CCDC82: variants seen among roughly 807,000 people sequenced by gnomAD.
The protein encoded by CCDC82 is coiled-coil domain containing 82, also known as coiled-coil domain-containing protein 82.
CCDC82 carries 47 observed loss-of-function variants against 60.6 expected under a neutral mutation model. The observed-to-expected ratio is 0.77, with a 90% CI of 0.61 to 0.99. The LOEUF is 0.99. Among genes scored for constraint, CCDC82 ranks in the 50% least tolerant of loss-of-function variants. The probability of loss-of-function intolerance (pLI) is 0.00; values close to 1 mark genes in which losing one functional copy is unlikely to be tolerated. For missense variants in CCDC82, 588 were observed against 633.0 expected, an observed-to-expected ratio of 0.93 and a Z score of 0.76; for synonymous variants, 212 against 207.4, an observed-to-expected ratio of 1.02 and a Z score of -0.19.
intron 5 of CCDC82, among the ~76,000 whole-genome samples, chr11:96,376,360 C>G (rs528037866): frequency 6.6e-6 from 1 of 151,938 alleles, no homozygotes; most frequent in South Asian, 2.1e-4. Flanking sequence ...CTTGTCTCTC[C>G]GCTTATCCAT....
At chr11:96,356,810 ATGTCTTTGGG>A in intron 9 of CCDC82, 1 of 985,410 alleles carries the variant, frequency 1.0e-6, no homozygotes, top group Non-Finnish European at 1.2e-6. Flanking sequence ...TCTAGTTGGC[ATGTCTTTGGG>A]AAGACATGCT....
chr11:96,360,375 T>A (rs1045098623), intron 8 of CCDC82, among the ~76,000 whole-genome samples: 1 of 151,180 alleles, frequency 6.6e-6, no homozygotes, highest in African/African-American at 2.4e-5. Context: ...TTTTTTTGTA[T>A]TTTTAGTAGA....
chr11:96,375,236 TATC>T (rs1865504656), intron 5 of CCDC82, among the ~76,000 whole-genome samples: 4 of 152,192 alleles, frequency 2.6e-5, no homozygotes, highest in Admixed American at 2.6e-4. Flanking sequence ...CTACTGAAGG[TATC>T]ATTCTTGAAT....
chr11:96,370,393 T>C (rs867282688), intron 7 of CCDC82, among the ~76,000 whole-genome samples: 24 of 152,200 alleles, frequency 1.6e-4, no homozygotes, highest in African/African-American at 5.8e-4. Context: ...AAACAAAATG[T>C]GGCAAATCTT....
chr11:96,372,745 C>T (rs1022461730), intron 6 of CCDC82, among the ~76,000 whole-genome samples: 16 of 141,158 alleles, frequency 1.1e-4, no homozygotes, highest in Middle Eastern at 3.8e-3. Context: ...TATAAATATA[C>T]GTATATTTAT....
chr11:96,360,321 T>C (rs1199075056), intron 8 of CCDC82, among the ~76,000 whole-genome samples: 1 of 151,088 alleles, frequency 6.6e-6, no homozygotes, highest in Non-Finnish European at 1.5e-5. Context: ...GCCTCCCAAG[T>C]AGCTGGGATT....
chr11:96,358,261 C>G, intron 9 of CCDC82: 1 of 1,084,918 alleles, frequency 9.2e-7, no homozygotes, highest in Non-Finnish European at 1.1e-6. Flanking sequence ...TGTAACTAGA[C>G]TTGTTTTAGA....
At chr11:96,356,528 A>G (rs565583277) in intron 9 of CCDC82, 2 of 985,242 alleles carry the variant, frequency 2.0e-6, no homozygotes, top group East Asian at 1.1e-4. Flanking sequence ...TCAACTTCCC[A>G]GGAAGTCCCA....
chr11:96,386,480 G>C (rs1047718804), intron 2 of CCDC82, 187 bp from the exon 3 acceptor site: 1 of 152,138 alleles, frequency 6.6e-6, no homozygotes. Flanking sequence ...TTAAGAGATA[G>C]GTCTTGTCCT....
chr11:96,355,569 G>A (rs1057200960), intron 9 of CCDC82: 1 of 152,122 alleles, frequency 6.6e-6, no homozygotes, highest in Non-Finnish European at 1.5e-5. Context: ...CTTAGGCTAA[G>A]AGAAATAAAA....
intron 9 of CCDC82, chr11:96,357,073 C>T (rs1864385239): frequency 1.0e-6 from 1 of 985,414 alleles, no homozygotes; most frequent in Non-Finnish European, 1.2e-6. Context: ...TAGCTAAAGG[C>T]AGCACACATC....
intron 8 of CCDC82, chr11:96,364,161 T>C (rs1025344210): frequency 3.3e-5 from 5 of 152,152 alleles, no homozygotes; most frequent in African/African-American, 1.2e-4. Flanking sequence ...TTTGCTAGGA[T>C]TCCAGATATC....
intron 8 of CCDC82, among the ~76,000 whole-genome samples, chr11:96,362,910 T>TA (rs772666421): frequency 3.3e-5 from 5 of 152,158 alleles, no homozygotes; most frequent in Admixed American, 6.5e-5. Flanking sequence ...AATAAAGAAT[T>TA]AGTCTTCAAA....
rs1328578340 is a variant in CCDC82, at chr11:96,385,413, AC to A, written c.-14-653del. ...CTGAATGGGATTACCAGGATGACTC[AC>A]CCTGTAGGCAAAGGATTCTGAATAG... is the stretch of plus-strand genomic sequence containing the variant. On this transcript the variant is annotated intron_variant, in intron 3 of 9. Coordinates refer to ENST00000646818, the MANE Select transcript of CCDC82 (RefSeq NM_024725.4). The A allele has an allele frequency of 1.3e-5, 2 of 152,470 alleles. 1 individual carries two copies. 9.4% of individuals were successfully genotyped at this position (152,470 alleles called of 1,614,324 possible).
At position 96,373,472 on chromosome 11, in the gene CCDC82, A is replaced by T; in HGVS notation, c.992-5T>A. 3.3e-6 allele frequency: 5 copies of T among 1,538,440 alleles called. No homozygotes were observed. The highest frequency in any genetic ancestry group is 4.5e-6 in the Non-Finnish European group (5 of 1,118,194). ...TATAGTGGTCACTAAAAGAATCTGA[A>T]ATTAATTTCAAATAAATATTAGAAC... On this transcript the variant is annotated splice_polypyrimidine_tract_variant and splice_region_variant and intron_variant, in intron 5 of 9. Coordinates refer to ENST00000646818, the MANE Select transcript of CCDC82 (RefSeq NM_024725.4).
intron 1 of CCDC82, chr11:96,389,252 T>C (rs1193649078): frequency 1.3e-5 from 2 of 152,236 alleles, no homozygotes. Flanking sequence ...AACTATATTA[T>C]TCATTAAAAT....
chr11:96,367,450 A>G (rs1414394466), intron 7 of CCDC82, among the ~76,000 whole-genome samples: 1 of 152,248 alleles, frequency 6.6e-6, no homozygotes, highest in East Asian at 1.9e-4. Flanking sequence ...TTCCATCTCA[A>G]GAAACCACGT....
At chr11:96,370,386 CAA>C (rs1246135646) in intron 7 of CCDC82, among the ~76,000 whole-genome samples, 7 of 152,054 alleles carry the variant, frequency 4.6e-5, no homozygotes, top group African/African-American at 1.7e-4. Context: ...GTACATGAAA[CAA>C]AATGTGGCAA....
intron 7 of CCDC82, among the ~76,000 whole-genome samples, chr11:96,365,732 A>T (rs950756585): frequency 3.3e-5 from 5 of 152,218 alleles, no homozygotes; most frequent in Non-Finnish European, 7.4e-5. Flanking sequence ...CAAACTGAGA[A>T]AACACTTGGC....
Sources: gnomAD v4.1 joint callset for allele counts (sites outside exome capture counted in the v4.1 genomes callset) on GRCh38, gnomAD v4.1.1 for gene constraint, MANE v1.5 for transcripts, NCBI Gene and HGNC (gene_info 2026-07-23, HGNC 2026-07-21) for gene names.